MGAM: variants seen among roughly 807,000 people sequenced by gnomAD.
MGAM encodes maltase-glucoamylase, also known as alpha-1,4-glucosidase.
Under a neutral mutation model 358.8 loss-of-function variants are expected in MGAM, and 253 were observed. The ratio of observed to expected loss-of-function variants is 0.71; its 90% confidence interval spans 0.64 to 0.78. MGAM has a LOEUF of 0.78. Among genes scored for constraint, MGAM ranks in the 30% least tolerant of loss-of-function variants. The pLI is 0.00. For missense variants in MGAM, 3,080 were observed against 3,432.6 expected (o/e 0.90, Z 2.57); for synonymous variants, 1,105 against 1,227.1 (o/e 0.90, Z 2.08).
At position 142,099,408 on chromosome 7, in the gene MGAM, C is replaced by T. The variant is rs933664482; in HGVS notation, c.7750-205C>T. Among the ~76,000 whole-genome samples the T allele has an allele frequency of 3.3e-5, 5 of 152,148 alleles. No homozygotes were observed. The East Asian group carries it at 5.8e-4, about 18-fold the overall frequency. On this transcript the variant is annotated intron_variant, in intron 66 of 70. Coordinates refer to ENST00000475668, the MANE Select transcript of MGAM (RefSeq NM_001365693.1). Reference sequence around the variant, plus strand: ...GTAGTTTGTACAGTGGAAGCAAAGGCAAGAGACCCTAACAAGATATTATAG... The same window carrying T: ...GTAGTTTGTACAGTGGAAGCAAAGGTAAGAGACCCTAACAAGATATTATAG...
At chr7:142,061,324 C>T (rs2129040506) in intron 34 of MGAM, among the ~76,000 whole-genome samples, 1 of 152,232 alleles carries the variant, frequency 6.6e-6, no homozygotes, top group African/African-American at 2.4e-5. Context: ...CGTTTCTAAC[C>T]CTGCCTGATC....
At chr7:142,071,231 A>G in intron 44 of MGAM, 113 bp downstream of exon 44, 1 of 1,235,424 alleles carries the variant, frequency 8.1e-7, no homozygotes, top group Non-Finnish European at 1.1e-6. Flanking sequence ...TCTACTCAAC[A>G]CTTGTTTTTT....
chr7:142,073,556 A>T (rs1422037049), intron 44 of MGAM, among the ~76,000 whole-genome samples: 2 of 146,660 alleles, frequency 1.4e-5, no homozygotes, highest in African/African-American at 4.9e-5. Context: ...AAAGTAGATC[A>T]TTAGAATGAT....
upstream of MGAM, among the ~76,000 whole-genome samples, chr7:141,990,977 C>T (rs782605665): frequency 6.6e-6 from 1 of 152,204 alleles, no homozygotes; most frequent in East Asian, 1.9e-4. Context: ...TTTGACTTCT[C>T]TCTGCTATGA....
chr7:142,081,068 G>A lies in MGAM; in HGVS notation c.6002+123G>A, dbSNP rs1387376158. ...TGTCCACTTCCAGATCCATGGATGA[G>A]TTGTTTCCTTCAGACCTATTCTTAC... is the stretch of plus-strand genomic sequence containing the variant. On this transcript the variant is annotated intron_variant, in intron 50 of 70. Coordinates refer to ENST00000475668, the MANE Select transcript of MGAM (RefSeq NM_001365693.1). 2.5e-5 allele frequency: 24 copies of A among 951,008 alleles called. 6 individuals are homozygous for A. Among genetic ancestry groups the A allele is most frequent in the Non-Finnish European group, 2.4e-5 (16 of 658,062 alleles). 58.9% of individuals were successfully genotyped at this position (951,008 alleles called of 1,614,324 possible).
intron 40 of MGAM, 105 bp from the exon 41 acceptor site, chr7:142,066,468 G>T: frequency 7.7e-7 from 1 of 1,306,758 alleles, no homozygotes; most frequent in African/African-American, 1.4e-5. Context: ...GTTTTCTTTT[G>T]TTTAGCTGTG....
Position 142,089,383 on chromosome 7 carries a change from A to C in MGAM, c.6811-2530A>C, listed in dbSNP as rs750333507. Among the ~76,000 whole-genome samples, 31 of 146,926 alleles carry C rather than the reference A, an allele frequency of 2.1e-4. 1 individual carries two copies. Among genetic ancestry groups the C allele is most frequent in the African/African-American group, 6.8e-4 (28 of 41,328 alleles). On this transcript the variant is annotated intron_variant, in intron 57 of 70. Transcript: ENST00000475668. ...ATCTCTCACCTCAAACGCCAGTTAT[A>C]CCCCTGATGAGAAACACTTCATTAG...
chr7:142,056,499 T>C (rs1253169110), intron 29 of MGAM, among the ~76,000 whole-genome samples: 1 of 152,166 alleles, frequency 6.6e-6, no homozygotes, highest in African/African-American at 2.4e-5. Context: ...GAGGGATCCA[T>C]ACCCTAAACC....
Position 142,086,510 on chromosome 7 carries a change from C to T in MGAM, c.6748-145C>T, listed in dbSNP as rs542773214. On this transcript the variant is annotated intron_variant, in intron 56 of 70. Coordinates refer to ENST00000475668, the MANE Select transcript of MGAM (RefSeq NM_001365693.1). Reference sequence around the variant, plus strand: ...AACTTTTAAGTAATATAATGTGTTACGGAATTCACTTCTCTTTTACATCAA... The same window carrying T: ...AACTTTTAAGTAATATAATGTGTTATGGAATTCACTTCTCTTTTACATCAA... 6.2e-4 allele frequency: 354 copies of T among 574,644 alleles called. 103 individuals are homozygous for T. Among genetic ancestry groups the T allele is most frequent in the South Asian group, 2.3e-3 (103 of 44,912 alleles). The allele number at this position is 574,644 out of a possible 1,614,324, so 35.6% of individuals were successfully genotyped here.
At chr7:142,096,563 C>T (rs1444194980) in intron 65 of MGAM, 148 bp downstream of exon 65, 5 of 958,872 alleles carry the variant, frequency 5.2e-6, no homozygotes, top group Admixed American at 4.8e-5. Flanking sequence ...AGCTGAAGTC[C>T]ATCACTTAGG....
In MGAM at chr7:142,052,466, T is replaced by C; in HGVS notation, c.2958+20T>C. ...TGGGAGGTAACCATGCTGATGGGGT[T>C]TGTGTGCATGAGAATCTCCACACCT... On this transcript the variant is annotated intron_variant, in intron 25 of 70. Transcript: ENST00000475668. The C allele has an allele frequency of 1.2e-6, 2 of 1,612,250 alleles. No individual in the cohort carries two copies. Among genetic ancestry groups the C allele is most frequent in the Non-Finnish European group, 1.7e-6 (2 of 1,179,426 alleles).
intron 15 of MGAM, 56 bp downstream of exon 15, chr7:142,034,435 G>A (rs1807798020): frequency 1.2e-5 from 15 of 1,264,834 alleles, no homozygotes; most frequent in South Asian, 2.8e-5. Context: ...ATATATATAT[G>A]TTTTTAATTC....
At chr7:142,067,986 A>ATATATATATATTT (rs1236775159) in intron 42 of MGAM, among the ~76,000 whole-genome samples, 1 of 8,690 alleles carries the variant, frequency 1.2e-4, no homozygotes, top group African/African-American at 1.8e-4. Context: ...ATATATATAT[A>ATATATATATATTT]TTTTTTTTTT....
At chr7:142,011,485 G>C (rs1459562249) in intron 3 of MGAM, among the ~76,000 whole-genome samples, 1 of 151,554 alleles carries the variant, frequency 6.6e-6, no homozygotes, top group African/African-American at 2.4e-5. Flanking sequence ...AAAGACTTAA[G>C]TTTATGTTTG....
chr7:142,066,789 T>C lies in MGAM; in HGVS notation c.4919+68T>C. On this transcript the variant is annotated intron_variant, in intron 41 of 70. Transcript: ENST00000475668. ...TTGCATTCTATGTGGTAGCAGTTGA[T>C]ATACACAACGCTTCCAAATTAAAGA... 3 of 1,478,432 alleles carry C rather than the reference T, an allele frequency of 2.0e-6. 1 individual carries two copies. Among genetic ancestry groups the C allele is most frequent in the Non-Finnish European group, 2.8e-6 (3 of 1,078,362 alleles). 91.6% of individuals were successfully genotyped at this position (1,478,432 alleles called of 1,614,324 possible). A position where few individuals can be genotyped will look rare whatever the true frequency, so the allele number is the denominator to read the frequency against.
rs113905531 is a variant in MGAM at position 142,084,528 on chromosome 7, C to T, written c.6391C>T (p.Arg2131Trp). The change falls in exon 54 of 71, where the codon CGG (arginine) becomes TGG (tryptophan). Residue 2131 changes from arginine (R) to tryptophan (W), a missense_variant. This residue lies in a region of MGAM where 932 missense variants were observed against 1,198.2 expected (regional missense o/e 0.78). Coordinates refer to ENST00000475668, the MANE Select transcript of MGAM (RefSeq NM_001365693.1). ...VTQQYTELIG[R>W]PVMVPYWSLG... ...TCTGTCTATTTTCTAGTTGATTGGC[C>T]GGCCTGTGATGGTACCTTACTGGTC... 1.3e-4 allele frequency: 203 copies of T among 1,554,578 alleles called. 17 individuals carry two copies. The highest frequency in any genetic ancestry group is 9.7e-4 in the African/African-American group (72 of 74,510).
At position 142,094,496 on chromosome 7, in the gene MGAM, TG is replaced by T; in HGVS notation, c.7306+1del. 6.5e-7 allele frequency: 1 copy of T among 1,546,264 alleles called. No individual in the cohort carries two copies. Among genetic ancestry groups the T allele is most frequent in the Non-Finnish European group, 8.9e-7 (1 of 1,127,036 alleles). Reference sequence around the variant, plus strand: ...GGGATCAGCTGAAGAAGTCTATCATTGGTGCGTGGGTCCTTCCCAGGGCCTG... The same window carrying T: ...GGGATCAGCTGAAGAAGTCTATCATTGTGCGTGGGTCCTTCCCAGGGCCTG... Reference protein sequence around the residue: ...AWDQLKKSIIGMMEFSLFGIS... With the variant: ...AWDQLKKSIIXMMEFSLFGIS... On this transcript the variant is annotated frameshift_variant and splice_region_variant, in exon 61 of 71. Coordinates refer to ENST00000475668, the MANE Select transcript of MGAM (RefSeq NM_001365693.1). LOFTEE classifies it high-confidence loss of function.
At chr7:142,033,993 G>T (rs1554464836) in intron 14 of MGAM, among the ~76,000 whole-genome samples, 1 of 152,194 alleles carries the variant, frequency 6.6e-6, no homozygotes, top group African/African-American at 2.4e-5. Flanking sequence ...TGAACCTCAG[G>T]CCTGAATGAA....
intron 19 of MGAM, among the ~76,000 whole-genome samples, chr7:142,039,085 G>A (rs150257940): frequency 6.6e-5 from 10 of 151,114 alleles, no homozygotes; most frequent in South Asian, 2.1e-4. Context: ...AAGACGGGGT[G>A]GGGGGAGTTG....
Sources: allele counts gnomAD v4.1 joint callset (sites outside exome capture counted in the v4.1 genomes callset), GRCh38; gene constraint gnomAD v4.1.1; regional missense constraint gnomAD v4.1.1; transcripts MANE v1.5; gene names NCBI Gene and HGNC (gene_info 2026-07-23, HGNC 2026-07-21).